The following ACOXL variants were observed in gnomAD, a reference collection of about 807,000 sequenced individuals.
ACOXL encodes the protein acyl-coenzyme A oxidase-like protein.
A neutral mutation model predicts 71.9 loss-of-function variants in ACOXL; 70 were observed. That is an observed-to-expected ratio of 0.97 (90% CI 0.80 to 1.19). The LOEUF is 1.19. Ranked by LOEUF, ACOXL falls within the 50% of genes most tolerant of loss-of-function variation. The pLI, the probability that ACOXL is intolerant of heterozygous loss-of-function variation, is 0.00. For synonymous variants in ACOXL, 253 were observed against 281.6 expected (o/e 0.90, Z 1.02); for missense variants, 703 against 736.3 (o/e 0.95, Z 0.52).
chr2:110,753,602 A>G (rs1261746212), intron 1 of ACOXL, among the ~76,000 whole-genome samples: 2 of 152,216 alleles, frequency 1.3e-5, no homozygotes, highest in African/African-American at 2.4e-5. Context: ...TGAATAGATC[A>G]TAGTTTACCA....
chr2:110,737,297 A>G (rs1394125355), intron 1 of ACOXL, among the ~76,000 whole-genome samples: 2 of 152,038 alleles, frequency 1.3e-5, no homozygotes, highest in Non-Finnish European at 2.9e-5. Flanking sequence ...AATTTACTCC[A>G]TATTCCTAAG....
rs112155296 is a variant in ACOXL, at chr2:110,750,674, T to G, written c.-22-17694T>G. 4.0e-5 allele frequency among the ~76,000 whole-genome samples: 6 copies of G among 148,836 alleles called. 1 individual carries two copies. The highest frequency in any genetic ancestry group is 2.1e-4 in the South Asian group (1 of 4,716). On this transcript the variant is annotated intron_variant, in intron 1 of 17. Coordinates refer to ENST00000439055, the MANE Select transcript of ACOXL (RefSeq NM_001142807.4). ...ATATTTGTGTGTGTATGTGTATGGG[T>G]GTGTGTGTGTATATATATATATATG...
chr2:110,785,984 T>C (rs1250767219), intron 3 of ACOXL, among the ~76,000 whole-genome samples: 1 of 152,218 alleles, frequency 6.6e-6, no homozygotes, highest in African/African-American at 2.4e-5. Context: ...TGGCATCTTA[T>C]TGTCTTGAGG....
intron 1 of ACOXL, among the ~76,000 whole-genome samples, chr2:110,734,163 T>C (rs1676547626): frequency 6.6e-6 from 1 of 152,258 alleles, no homozygotes; most frequent in African/African-American, 2.4e-5. Context: ...GATTTATTAG[T>C]TATTTTCAAA....
At chr2:110,963,630 A>G (rs948233892) in intron 12 of ACOXL, 5 of 1,613,482 alleles carry the variant, frequency 3.1e-6, no homozygotes, top group African/African-American at 2.7e-5. Flanking sequence ...ACAGGGTTAC[A>G]TGATGGAAAA....
intron 15 of ACOXL, among the ~76,000 whole-genome samples, chr2:111,048,728 G>A (rs1045017868): frequency 1.3e-5 from 2 of 151,818 alleles, no homozygotes; most frequent in Non-Finnish European, 2.9e-5. Flanking sequence ...GGAGAAAGAC[G>A]ACTTTATATA....
chr2:110,829,367 G>A (rs1242442212), intron 9 of ACOXL, among the ~76,000 whole-genome samples: 1 of 152,106 alleles, frequency 6.6e-6, no homozygotes, highest in Non-Finnish European at 1.5e-5. Flanking sequence ...TGATAGCCGT[G>A]GGGCATGCTG....
At chr2:111,092,645 G>T (rs1489481996) in intron 16 of ACOXL, among the ~76,000 whole-genome samples, 1 of 151,978 alleles carries the variant, frequency 6.6e-6, no homozygotes, top group African/African-American at 2.4e-5. Flanking sequence ...TATGCTATTT[G>T]TTCTACTTTT....
chr2:110,981,314 C>T (rs905294867), intron 12 of ACOXL, among the ~76,000 whole-genome samples: 5 of 152,186 alleles, frequency 3.3e-5, no homozygotes, highest in Non-Finnish European at 5.9e-5. Flanking sequence ...GCTGAGATCG[C>T]ACCACTGCAC....
At chr2:111,000,885 G>A (rs2063593399) in intron 14 of ACOXL, among the ~76,000 whole-genome samples, 1 of 152,180 alleles carries the variant, frequency 6.6e-6, no homozygotes. Context: ...CCAGGGCTTA[G>A]TACTTCAACA....
rs756087883 is a variant in ACOXL at position 110,996,036 on chromosome 2, T to C, written c.1281+32T>C. ...ATACACTGTGTTATATTTTTCCTTT[T>C]GACATGTGTTTAAGGGATATCCTTG... On this transcript the variant is annotated intron_variant, in intron 14 of 17. Transcript: ENST00000439055. The C allele has an allele frequency of 7.1e-6, 11 of 1,548,002 alleles. No homozygotes were observed. The Admixed American group carries it at 1.5e-4, about 21-fold the overall frequency.
chr2:111,060,746 A>G (rs1469140760), intron 16 of ACOXL, among the ~76,000 whole-genome samples: 3 of 152,252 alleles, frequency 2.0e-5, no homozygotes, highest in African/African-American at 4.8e-5. Context: ...AAATGCTTCA[A>G]TGAGTAATAG....
intron 12 of ACOXL, among the ~76,000 whole-genome samples, chr2:110,979,102 G>A (rs201997404): frequency 0.14 from 21,129 of 152,038 alleles, 1,790 homozygotes; most frequent in East Asian, 0.34. Flanking sequence ...GGGAACAACA[G>A]CCGGCCCTGC....
chr2:110,978,992 C>A (rs1344399394), intron 12 of ACOXL, among the ~76,000 whole-genome samples: 1 of 152,072 alleles, frequency 6.6e-6, no homozygotes, highest in Non-Finnish European at 1.5e-5. Flanking sequence ...CTGACACACA[C>A]ATGCACATGA....
intron 10 of ACOXL, among the ~76,000 whole-genome samples, chr2:110,868,097 G>C (rs1694836055): frequency 6.6e-6 from 1 of 152,182 alleles, no homozygotes; most frequent in Non-Finnish European, 1.5e-5. Context: ...CAGGGGAACT[G>C]ATTTATTTAC....
intron 12 of ACOXL, among the ~76,000 whole-genome samples, chr2:110,972,594 A>G (rs981806815): frequency 1.3e-5 from 2 of 152,002 alleles, no homozygotes; most frequent in Non-Finnish European, 1.5e-5. Flanking sequence ...AAATACATAT[A>G]TACACACACA....
chr2:111,042,007 A>G (rs2065809332), intron 15 of ACOXL, among the ~76,000 whole-genome samples: 1 of 152,218 alleles, frequency 6.6e-6, no homozygotes, highest in Admixed American at 6.5e-5. Flanking sequence ...CCCTGAGCCC[A>G]GAACACGGCA....
At position 111,011,189 on chromosome 2, in the gene ACOXL, A is replaced by G. The variant is rs187751549; in HGVS notation, c.1281+15185A>G. Among the ~76,000 whole-genome samples the G allele has an allele frequency of 8.4e-4, 128 of 152,332 alleles. No homozygotes were observed. In the East Asian group the frequency reaches 0.016, roughly 19 times the overall value. ...GTAGTGTAAATGGAATTATGCTATT[A>G]TAAGATTTTTACATAATATATGAAG... On this transcript the variant is annotated intron_variant, in intron 14 of 17. Transcript: ENST00000439055.
chr2:111,002,029 TTCTC>T (rs147140146), intron 14 of ACOXL, among the ~76,000 whole-genome samples: 1 of 150,610 alleles, frequency 6.6e-6, no homozygotes. Context: ...GTCTCTGTCT[TTCTC>T]TCTCTCTCTC....
Sources: gnomAD v4.1 joint callset for allele counts (sites outside exome capture counted in the v4.1 genomes callset) on GRCh38, gnomAD v4.1.1 for gene constraint, MANE v1.5 for transcripts, NCBI Gene and HGNC (gene_info 2026-07-23, HGNC 2026-07-21) for gene names.